Variants in CDH4 observed in about 807,000 individuals in gnomAD.
CDH4 encodes the protein cadherin 4.
CDH4 carries 33 observed loss-of-function variants against 86.0 expected under a neutral mutation model. That is an observed-to-expected ratio of 0.38 (90% confidence interval 0.29 to 0.51). The LOEUF (loss-of-function observed/expected upper bound fraction) is 0.51, where lower values mean the gene tolerates loss of function less well. CDH4 is among the 20% of genes least tolerant of loss of function. The pLI, the probability that CDH4 is intolerant of heterozygous loss-of-function variation, is 0.86. For missense variants in CDH4, 1,114 were observed against 1,307.4 expected (o/e 0.85, Z 2.28); for synonymous variants, 555 against 549.4 (o/e 1.01, Z -0.14).
intron 3 of CDH4, among the ~76,000 whole-genome samples, chr20:61,753,705 G>A (rs1243719263): frequency 6.6e-6 from 1 of 152,182 alleles, no homozygotes; most frequent in Non-Finnish European, 1.5e-5. Context: ...AAAAGAAACT[G>A]TTGTTTATGA....
At chr20:61,740,257 G>A (rs1014258418) in intron 2 of CDH4, among the ~76,000 whole-genome samples, 1 of 152,134 alleles carries the variant, frequency 6.6e-6, no homozygotes, top group African/African-American at 2.4e-5. Flanking sequence ...AAGACAAATA[G>A]GATATGGGGA....
At chr20:61,687,768 T>C (rs991476161) in intron 2 of CDH4, among the ~76,000 whole-genome samples, 6 of 152,174 alleles carry the variant, frequency 3.9e-5, no homozygotes, top group Admixed American at 1.3e-4. Context: ...AGCAAAAATT[T>C]ATTTTAAAAA....
chr20:61,478,815 A>G (rs1304210991), intron 2 of CDH4, among the ~76,000 whole-genome samples: 1 of 152,252 alleles, frequency 6.6e-6, no homozygotes, highest in Non-Finnish European at 1.5e-5. Flanking sequence ...GGTGCTGGCC[A>G]TTCGTTCGTG....
intron 2 of CDH4, among the ~76,000 whole-genome samples, chr20:61,614,583 C>T (rs1404447259): frequency 2.6e-5 from 4 of 152,040 alleles, no homozygotes; most frequent in African/African-American, 4.8e-5. Context: ...GTGGAGTCTG[C>T]GCTGACGTGG....
At chr20:61,330,651 A>G (rs1416066594) in intron 2 of CDH4, among the ~76,000 whole-genome samples, 2 of 152,202 alleles carry the variant, frequency 1.3e-5, no homozygotes, top group Non-Finnish European at 2.9e-5. Context: ...GGGCACCGAC[A>G]TGCTACAGCA....
intron 2 of CDH4, among the ~76,000 whole-genome samples, chr20:61,558,283 T>C (rs899761234): frequency 6.6e-6 from 1 of 152,026 alleles, no homozygotes; most frequent in East Asian, 1.9e-4. Flanking sequence ...CTGGGCAGAG[T>C]TGGTCCCAAA....
At chr20:61,647,552 C>T (rs368629263) in intron 2 of CDH4, among the ~76,000 whole-genome samples, 9,426 of 80,462 alleles carry the variant, frequency 0.12, 685 homozygotes, top group Non-Finnish European at 0.16. Context: ...TCTCCCTCTC[C>T]CTCTCCCTCT....
chr20:61,534,648 C>CTTTCTTTTTTTTTTTTTTTTTT (rs1568881693), intron 2 of CDH4, among the ~76,000 whole-genome samples: 2 of 108,382 alleles, frequency 1.8e-5, no homozygotes, highest in Admixed American at 9.0e-5. Flanking sequence ...TTCTTTCTTT[C>CTTTCTTTTTTTTTTTTTTTTTT]TTTTCTTTCT....
In CDH4 at chr20:61,565,298, GCGGTGC is replaced by G. The variant is rs2086279136; in HGVS notation, c.170-178264_170-178259del. Among the ~76,000 whole-genome samples the G allele has an allele frequency of 6.9e-5, 4 of 58,128 alleles. 1 individual carries two copies. Among genetic ancestry groups the G allele is most frequent in the Non-Finnish European group, 1.4e-4 (4 of 28,686 alleles). 38.1% of individuals were successfully genotyped at this position (58,128 alleles called of 152,430 possible). The stretch of plus-strand genomic sequence containing the variant: ...TCTTGGTGATGGGGTGATGGTGGTG[GCGGTGC>G]TCTTGGTGGTGGCGGTGCTCTTGGT... On this transcript the variant is annotated intron_variant, in intron 2 of 15. Transcript: ENST00000614565.
intron 13 of CDH4, among the ~76,000 whole-genome samples, chr20:61,931,562 T>C (rs1336515084): frequency 6.6e-5 from 10 of 152,326 alleles, no homozygotes; most frequent in Non-Finnish European, 1.2e-4. Context: ...AGAGTGCACC[T>C]GTGATTCTGG....
chr20:61,443,606 C>A (rs2085325269), intron 2 of CDH4, among the ~76,000 whole-genome samples: 1 of 152,198 alleles, frequency 6.6e-6, no homozygotes, highest in East Asian at 1.9e-4. Context: ...CTATTAGCTG[C>A]CATTATTTTC....
intron 2 of CDH4, among the ~76,000 whole-genome samples, chr20:61,656,283 AGGCGCG>A (rs2087188191): frequency 3.3e-5 from 3 of 92,082 alleles, no homozygotes; most frequent in Non-Finnish European, 6.0e-5. Context: ...TGGGGTGGGC[AGGCGCG>A]TGCTGGGGTG....
rs577943944 is a variant in CDH4 at position 61,628,649 on chromosome 20, G to A, written c.170-114914G>A. ...CATCTGGAGTTTCTCCAGGTCCTGTGGGGGATGGCCCGGGTGCACCCCGCC... is the reference window on the plus strand; with the variant it reads ...CATCTGGAGTTTCTCCAGGTCCTGTAGGGGATGGCCCGGGTGCACCCCGCC... On this transcript the variant is annotated intron_variant, in intron 2 of 15. Transcript: ENST00000614565. Among the ~76,000 whole-genome samples, 8 of 152,356 alleles carry A rather than the reference G, an allele frequency of 5.3e-5. No homozygotes were observed. The South Asian group carries it at 1.7e-3, about 32-fold the overall frequency.
intron 2 of CDH4, among the ~76,000 whole-genome samples, chr20:61,528,698 G>A (rs779147707): frequency 6.6e-6 from 1 of 152,152 alleles, no homozygotes; most frequent in Non-Finnish European, 1.5e-5. Flanking sequence ...CCAAAGCTGC[G>A]GGAATGGAGA....
chr20:61,296,942 TC>T (rs2084358356), intron 2 of CDH4, among the ~76,000 whole-genome samples: 1 of 152,166 alleles, frequency 6.6e-6, no homozygotes. Flanking sequence ...TCAGCTGACT[TC>T]CTGGAGCTGC....
At chr20:61,788,681 C>T (rs1029648134) in intron 4 of CDH4, among the ~76,000 whole-genome samples, 2 of 152,230 alleles carry the variant, frequency 1.3e-5, no homozygotes, top group Admixed American at 6.5e-5. Flanking sequence ...TAATTTCTAA[C>T]AGCAGACTTT....
At chr20:61,653,714 A>T (rs1264481557) in intron 2 of CDH4, among the ~76,000 whole-genome samples, 1 of 78,622 alleles carries the variant, frequency 1.3e-5, no homozygotes, top group Non-Finnish European at 2.9e-5. Context: ...ACGGGGTCGC[A>T]GCCGGGCAGA....
intron 2 of CDH4, among the ~76,000 whole-genome samples, chr20:61,558,406 C>A (rs1239427384): frequency 6.6e-6 from 1 of 152,102 alleles, no homozygotes; most frequent in East Asian, 1.9e-4. Context: ...AAATTCTTTT[C>A]AGCGGCAAAA....
At chr20:61,673,805 C>T (rs1472017798) in intron 2 of CDH4, among the ~76,000 whole-genome samples, 1 of 152,120 alleles carries the variant, frequency 6.6e-6, no homozygotes, top group Non-Finnish European at 1.5e-5. Flanking sequence ...CAAATTACCT[C>T]GCTGCTAAGG....
Sources: gnomAD v4.1 joint callset for allele counts (sites outside exome capture counted in the v4.1 genomes callset) on GRCh38, gnomAD v4.1.1 for gene constraint, MANE v1.5 for transcripts, NCBI Gene and HGNC (gene_info 2026-07-23, HGNC 2026-07-21) for gene names.